SSH2: variants seen among roughly 807,000 people sequenced by gnomAD.
SSH2 encodes slingshot protein phosphatase 2, also known as protein phosphatase Slingshot homolog 2.
In SSH2, 37 loss-of-function variants were observed where a neutral mutation model predicts 135.2. The ratio of observed to expected loss-of-function variants is 0.27; its 90% confidence interval spans 0.21 to 0.36. The LOEUF (loss-of-function observed/expected upper bound fraction) is 0.36, where lower values mean the gene tolerates loss of function less well. Ranked by LOEUF, SSH2 falls within the 10% of genes least tolerant of loss-of-function variation. SSH2 has a pLI of 1.00. For synonymous variants in SSH2, 628 were observed against 646.2 expected (o/e 0.97, Z 0.43); for missense variants, 1,408 against 1,765.3 (o/e 0.80, Z 3.63).
intron 3 of SSH2, chr17:29,780,715 G>C (rs559647018): frequency 2.8e-4 from 43 of 151,712 alleles, no homozygotes; most frequent in African/African-American, 1.0e-3. Context: ...GAGCCACTGC[G>C]CCCGGTCTAA....
At chr17:29,701,551 A>G (rs1260232608) in intron 4 of SSH2, among the ~76,000 whole-genome samples, 2 of 151,642 alleles carry the variant, frequency 1.3e-5, no homozygotes, top group Non-Finnish European at 2.9e-5. Context: ...CTAGGACCAC[A>G]GGTGTACACC....
At chr17:29,720,144 TACA>T (rs1330792080) in intron 3 of SSH2, among the ~76,000 whole-genome samples, 1 of 152,238 alleles carries the variant, frequency 6.6e-6, no homozygotes, top group Non-Finnish European at 1.5e-5. Context: ...GCCTGTTCTG[TACA>T]ACAAGGACAC....
At chr17:29,853,380 C>A (rs993863275) in intron 1 of SSH2, among the ~76,000 whole-genome samples, 1 of 151,702 alleles carries the variant, frequency 6.6e-6, no homozygotes, top group Non-Finnish European at 1.5e-5. Context: ...CCACCGCGCG[C>A]GGCCTAGGTG....
chr17:29,840,249 C>T (rs1018336224), intron 2 of SSH2, among the ~76,000 whole-genome samples: 2 of 152,146 alleles, frequency 1.3e-5, no homozygotes, highest in African/African-American at 4.8e-5. Context: ...GCCGAGGCTC[C>T]TTGTTTCTGC....
intron 5 of SSH2, among the ~76,000 whole-genome samples, chr17:29,693,604 G>A (rs2038587988): frequency 6.6e-6 from 1 of 152,074 alleles, no homozygotes; most frequent in Non-Finnish European, 1.5e-5. Context: ...GAGCCACTGT[G>A]CCTGGCCTTA....
intron 5 of SSH2, among the ~76,000 whole-genome samples, chr17:29,685,452 G>C (rs545812285): frequency 6.6e-6 from 1 of 152,220 alleles, no homozygotes; most frequent in East Asian, 1.9e-4. Context: ...AGGGAGTGGG[G>C]ACAGATGAAA....
rs1200099228 is a variant in SSH2 at position 29,628,093 on chromosome 17, G to A, written c.*2748C>T. The A allele has an allele frequency of 1.3e-5, 2 of 152,170 alleles. No individual in the cohort carries two copies. Among genetic ancestry groups the A allele is most frequent in the East Asian group, 3.9e-4 (2 of 5,182 alleles). 9.4% of individuals were successfully genotyped at this position (152,170 alleles called of 1,614,324 possible). ...GGAGATTATAAAAGTCTGAAGAGAA[G>A]ACAGTCTGGAAAGTCCTTGACAGTT... On this transcript the variant is annotated 3_prime_UTR_variant, in exon 16 of 16. Coordinates refer to ENST00000540801, the MANE Select transcript of SSH2 (RefSeq NM_001282129.2).
At chr17:29,856,522 C>A (rs1223290788) in intron 1 of SSH2, among the ~76,000 whole-genome samples, 1 of 152,166 alleles carries the variant, frequency 6.6e-6, no homozygotes, top group Non-Finnish European at 1.5e-5. Flanking sequence ...CTGCAGTGAG[C>A]CGTGATCCCA....
At chr17:29,921,834 C>T (rs1218516468) in intron 1 of SSH2, among the ~76,000 whole-genome samples, 1 of 152,118 alleles carries the variant, frequency 6.6e-6, no homozygotes, top group Non-Finnish European at 1.5e-5. Flanking sequence ...AGTAGTGAGC[C>T]ACCGCGCCCA....
chr17:29,927,515 T>C (rs2067088612), intron 1 of SSH2, among the ~76,000 whole-genome samples: 1 of 152,224 alleles, frequency 6.6e-6, no homozygotes, highest in Non-Finnish European at 1.5e-5. Flanking sequence ...TAAAAAAATG[T>C]AAATTTCCAG....
chr17:29,878,524 G>C (rs920933827), intron 1 of SSH2, among the ~76,000 whole-genome samples: 2 of 152,054 alleles, frequency 1.3e-5, no homozygotes, highest in Non-Finnish European at 2.9e-5. Context: ...CATAGTTGAT[G>C]CTCAAAATAT....
At chr17:29,637,329 C>T (rs1261305740) in intron 14 of SSH2, among the ~76,000 whole-genome samples, 2 of 152,232 alleles carry the variant, frequency 1.3e-5, no homozygotes, top group African/African-American at 4.8e-5. Context: ...GAACTTCTGA[C>T]CTCGAGTGAT....
chr17:29,829,076 G>A (rs1368328615), intron 2 of SSH2, among the ~76,000 whole-genome samples: 1 of 152,170 alleles, frequency 6.6e-6, no homozygotes, highest in Non-Finnish European at 1.5e-5. Flanking sequence ...CATGAATGGA[G>A]TGCTATTCCA....
At chr17:29,879,373 G>GTTTTT (rs5819875) in intron 1 of SSH2, among the ~76,000 whole-genome samples, 2 of 136,020 alleles carry the variant, frequency 1.5e-5, no homozygotes, top group South Asian at 2.3e-4. Flanking sequence ...GCTTTCTGCT[G>GTTTTT]TTTTTTTTTT....
chr17:29,644,432 A>C (rs1474698079), intron 14 of SSH2, among the ~76,000 whole-genome samples: 1 of 152,188 alleles, frequency 6.6e-6, no homozygotes, highest in Non-Finnish European at 1.5e-5. Flanking sequence ...TTTTGGGTCT[A>C]GGAGCTGTTT....
chr17:29,653,491 G>A (rs1017295931), intron 12 of SSH2, among the ~76,000 whole-genome samples: 3 of 152,110 alleles, frequency 2.0e-5, no homozygotes, highest in Non-Finnish European at 4.4e-5. Flanking sequence ...AAATTCATAT[G>A]TATATATGAC....
intron 1 of SSH2, among the ~76,000 whole-genome samples, chr17:29,870,350 T>C (rs574032485): frequency 7.9e-5 from 12 of 151,146 alleles, no homozygotes; most frequent in African/African-American, 2.7e-4. Flanking sequence ...GAAGAATGTG[T>C]GTGTGTATGC....
At chr17:29,662,354 AT>A (rs766252559) in intron 11 of SSH2, among the ~76,000 whole-genome samples, 2 of 152,222 alleles carry the variant, frequency 1.3e-5, no homozygotes, top group East Asian at 3.8e-4. Flanking sequence ...GCTAAGATAA[AT>A]ATAACTTGAC....
intron 2 of SSH2, chr17:29,838,863 C>G (rs143578772): frequency 9.8e-4 from 181 of 185,008 alleles, no homozygotes; most frequent in African/African-American, 4.2e-3. Flanking sequence ...AATTCGGGAC[C>G]TGCCGAATGG....
Sources: gnomAD v4.1 joint callset for allele counts (sites outside exome capture counted in the v4.1 genomes callset) on GRCh38, gnomAD v4.1.1 for gene constraint, MANE v1.5 for transcripts, NCBI Gene and HGNC (gene_info 2026-07-23, HGNC 2026-07-21) for gene names.